Variants in VWA8 observed in about 807,000 individuals in gnomAD.
The protein encoded by VWA8 is von Willebrand factor A domain-containing protein 8.
Under a neutral mutation model 241.5 loss-of-function variants are expected in VWA8, and 221 were observed. The ratio of observed to expected loss-of-function variants is 0.91; its 90% CI spans 0.82 to 1.02. The LOEUF is 1.02. Ranked by LOEUF, VWA8 falls within the 50% of genes least tolerant of loss-of-function variation. VWA8 has a pLI of 0.00. For synonymous variants in VWA8, 852 were observed against 827.1 expected, an observed-to-expected ratio of 1.03 and a Z score of -0.52; for missense variants, 2,322 against 2,328.7, an observed-to-expected ratio of 1.00 and a Z score of 0.06.
At chr13:41,774,387 C>T (rs1868489878) in intron 20 of VWA8, among the ~76,000 whole-genome samples, 2 of 152,222 alleles carry the variant, frequency 1.3e-5, no homozygotes, top group African/African-American at 2.4e-5. Flanking sequence ...AACTGATCCA[C>T]TCACCTTGGC....
chr13:41,733,533 T>C (rs532774391), intron 21 of VWA8, among the ~76,000 whole-genome samples: 46 of 152,288 alleles, frequency 3.0e-4, no homozygotes, highest in African/African-American at 1.1e-3. Flanking sequence ...TAGATATTTG[T>C]TGTCACTATT....
chr13:41,648,961 A>G (rs890456676), intron 37 of VWA8, among the ~76,000 whole-genome samples: 4 of 152,214 alleles, frequency 2.6e-5, no homozygotes, highest in African/African-American at 7.2e-5. Flanking sequence ...AGGCGGGTGG[A>G]TCACATGAGG....
In VWA8 at chr13:41,609,267, A is replaced by G. The variant is rs778786126; in HGVS notation, c.4877+2309T>C. Reference sequence around the variant, plus strand: ...GGTACAGGATGCCATAAAAGCATCAATGGTGGGAACCGACCTCATTCTGCA... The same window carrying G: ...GGTACAGGATGCCATAAAAGCATCAGTGGTGGGAACCGACCTCATTCTGCA... On this transcript the variant is annotated intron_variant, in intron 39 of 44. Coordinates refer to ENST00000379310, the MANE Select transcript of VWA8 (RefSeq NM_015058.2). Among the ~76,000 whole-genome samples the G allele has an allele frequency of 1.2e-3, 187 of 152,362 alleles. 4 individuals carry two copies. The highest frequency in any genetic ancestry group is 9.0e-4 in the Non-Finnish European group (61 of 68,032).
At chr13:41,726,549 A>C (rs1035204433) in intron 24 of VWA8, among the ~76,000 whole-genome samples, 2 of 152,178 alleles carry the variant, frequency 1.3e-5, no homozygotes, top group Non-Finnish European at 2.9e-5. Flanking sequence ...GGATGTGACA[A>C]AAGTAAAACC....
intron 2 of VWA8, among the ~76,000 whole-genome samples, chr13:41,948,737 T>C (rs1877976513): frequency 1.3e-5 from 2 of 152,190 alleles, no homozygotes; most frequent in African/African-American, 4.8e-5. Context: ...CCTAGATTTT[T>C]ACTCAACAGA....
chr13:41,615,580 T>C (rs1487210357), intron 37 of VWA8, among the ~76,000 whole-genome samples: 1 of 152,228 alleles, frequency 6.6e-6, no homozygotes, highest in Non-Finnish European at 1.5e-5. Flanking sequence ...CAAAAAGTTA[T>C]GTATGTATGC....
intron 20 of VWA8, among the ~76,000 whole-genome samples, chr13:41,765,248 A>G (rs567802669): frequency 1.2e-3 from 189 of 152,254 alleles, no homozygotes; most frequent in African/African-American, 4.4e-3. Context: ...TCTGCTTCCC[A>G]TATCTGCTCC....
chr13:41,931,905 A>G (rs915478977), intron 2 of VWA8, among the ~76,000 whole-genome samples: 1 of 152,144 alleles, frequency 6.6e-6, no homozygotes, highest in African/African-American at 2.4e-5. Flanking sequence ...CTGCCTTAAA[A>G]GACTAGAAAA....
intron 2 of VWA8, among the ~76,000 whole-genome samples, chr13:41,921,239 C>G (rs1257766114): frequency 1.3e-5 from 2 of 152,106 alleles, no homozygotes; most frequent in Non-Finnish European, 2.9e-5. Context: ...ATTCAACAGC[C>G]CTTCATGCTA....
At chr13:41,764,802 A>G (rs4942078) in intron 20 of VWA8, among the ~76,000 whole-genome samples, 105,145 of 151,792 alleles carry the variant, frequency 0.69, 38,264 homozygotes, top group South Asian at 0.83. Flanking sequence ...AGCCCTGGAA[A>G]CCACTTAAAA....
intron 37 of VWA8, among the ~76,000 whole-genome samples, chr13:41,634,718 AC>A (rs1400339306): frequency 1.3e-5 from 2 of 152,092 alleles, no homozygotes; most frequent in African/African-American, 4.8e-5. Flanking sequence ...GAAAAAAAAA[AC>A]AGACTAAATT....
chr13:41,811,393 T>G, intron 16 of VWA8, 53 bp from the exon 17 acceptor site: 1 of 1,421,168 alleles, frequency 7.0e-7, no homozygotes, highest in East Asian at 2.3e-5. Flanking sequence ...CTTGCTAAAG[T>G]CCCTTTAGAT....
intron 12 of VWA8, among the ~76,000 whole-genome samples, chr13:41,838,861 G>A (rs1184015739): frequency 6.6e-6 from 1 of 152,112 alleles, no homozygotes; most frequent in East Asian, 1.9e-4. Flanking sequence ...ATTCCATGGT[G>A]TTTTTGTGAC....
intron 37 of VWA8, among the ~76,000 whole-genome samples, chr13:41,665,851 T>A (rs568771114): frequency 6.6e-6 from 1 of 152,294 alleles, no homozygotes; most frequent in Non-Finnish European, 1.5e-5. Flanking sequence ...CTGCTGATGA[T>A]TTGAAAAGGA....
chr13:41,906,125 CCATTTT>C (rs2138105966), intron 4 of VWA8, among the ~76,000 whole-genome samples: 1 of 152,174 alleles, frequency 6.6e-6, no homozygotes, highest in Non-Finnish European at 1.5e-5. Flanking sequence ...CCAAATCTCT[CCATTTT>C]AAGTGCATTT....
chr13:41,808,897 C>T (rs772638308), intron 17 of VWA8, among the ~76,000 whole-genome samples: 12 of 149,666 alleles, frequency 8.0e-5, no homozygotes, highest in Non-Finnish European at 1.5e-4. Context: ...AATTGATCAA[C>T]AAATTCATTA....
At chr13:41,927,208 G>A in intron 2 of VWA8, 1 of 472,408 alleles carries the variant, frequency 2.1e-6, no homozygotes. Flanking sequence ...ACAGGCATGG[G>A]CATTGACCAA....
Position 41,883,504 on chromosome 13 carries a change from A to C in VWA8, c.976-13T>G. The C allele has an allele frequency of 6.4e-7, 1 of 1,574,722 alleles. No individual in the cohort carries two copies. The highest frequency in any genetic ancestry group is 1.1e-5 in the South Asian group (1 of 90,074). ...TAGGAAAGGAATCCTATGTAGGAGC[A>C]AAAATACATAGGAATGAGCAAAATT... On this transcript the variant is annotated splice_polypyrimidine_tract_variant and intron_variant, in intron 8 of 44. Transcript: ENST00000379310.
chr13:41,674,496 G>C (rs2045046731), intron 36 of VWA8, among the ~76,000 whole-genome samples: 1 of 152,104 alleles, frequency 6.6e-6, no homozygotes, highest in South Asian at 2.1e-4. Context: ...TTGGCATGGA[G>C]GGCAAAGAAA....
Sources: allele counts gnomAD v4.1 joint callset (sites outside exome capture counted in the v4.1 genomes callset), GRCh38; gene constraint gnomAD v4.1.1; transcripts MANE v1.5; gene names NCBI Gene and HGNC (gene_info 2026-07-23, HGNC 2026-07-21).